The following ZFYVE26 variants were observed in gnomAD, a reference collection of about 807,000 sequenced individuals.
The protein encoded by ZFYVE26 is zinc finger FYVE domain-containing protein 26.
ZFYVE26 carries 181 observed loss-of-function variants against 276.5 expected under a neutral mutation model. The observed-to-expected ratio is 0.65, with a 90% CI of 0.58 to 0.74. The LOEUF is 0.74. Ranked by LOEUF, ZFYVE26 falls within the 30% of genes least tolerant of loss-of-function variation. ZFYVE26 has a pLI of 0.00. For synonymous variants in ZFYVE26, 1,129 were observed against 1,203.1 expected (o/e 0.94, Z 1.27); for missense variants, 2,821 against 3,097.9 (o/e 0.91, Z 2.12).
rs199927580 is a variant in ZFYVE26, at chr14:67,748,527, C to T, written c.7529G>A (p.Ser2510Asn). ...LVQQVQQAAK[S>N]SGDAVVQDIC... The stretch of plus-strand genomic sequence containing the variant: ...GTCTTGCACTACTGCATCCCCGCTG[C>T]TCTTGGCGGCCTGCTGCACCTGCTG... The change falls in exon 42 of 42, where the codon AGC (serine) becomes AAC (asparagine). Residue 2510 changes from serine (S) to asparagine (N), a missense_variant. By Grantham distance (46) the Ser-to-Asn change is conservative. Coordinates refer to ENST00000347230, the MANE Select transcript of ZFYVE26 (RefSeq NM_015346.4). 4.8e-5 allele frequency: 77 copies of T among 1,614,006 alleles called. No individual in the cohort carries two copies. Among genetic ancestry groups the T allele is most frequent in the Non-Finnish European group, 1.3e-5 (15 of 1,180,008 alleles).
intron 23 of ZFYVE26, among the ~76,000 whole-genome samples, chr14:67,779,491 G>C (rs1205024178): frequency 1.3e-5 from 2 of 152,188 alleles, no homozygotes; most frequent in Non-Finnish European, 2.9e-5. Flanking sequence ...GAACCCGGGA[G>C]GCGGAGGTTG....
intron 13 of ZFYVE26, among the ~76,000 whole-genome samples, chr14:67,731,018 A>G (rs1388509813): frequency 6.6e-6 from 1 of 152,178 alleles, no homozygotes; most frequent in East Asian, 1.9e-4. Context: ...TATTGATTGC[A>G]TGCTAAAATG....
intron 38 of ZFYVE26, 66 bp downstream of exon 38, chr14:67,754,005 T>G: frequency 6.2e-7 from 1 of 1,610,784 alleles, no homozygotes; most frequent in Non-Finnish European, 8.5e-7. Context: ...ACTAGACAAC[T>G]GCAATTATGA....
chr14:67,755,358 AC>A, intron 36 of ZFYVE26, 108 bp from the exon 37 acceptor site: 1 of 1,235,920 alleles, frequency 8.1e-7, no homozygotes, highest in Non-Finnish European at 1.2e-6. Context: ...TGTTTCCAGC[AC>A]CCACTCCCAC....
At chr14:67,748,665 G>A (rs200353381) in intron 41 of ZFYVE26, 26 bp from the exon 42 acceptor site, 17 of 1,611,904 alleles carry the variant, frequency 1.1e-5, no homozygotes, top group East Asian at 4.5e-5. Context: ...AAGAGACAGC[G>A]GAAAGGCATC....
rs200966618 is a variant in ZFYVE26 at position 67,805,612 on chromosome 14, C to T, written c.1024G>A (p.Ala342Thr). The part of the protein sequence containing the change: ...KHFLEQILVT[A>T]LTLLKEEDFP... The stretch of plus-strand genomic sequence containing the variant: ...TCTTCTTCTTTCAACAATGTTAGTG[C>T]TGTTACCTGTAAGTCAAAGAAAGCT... Residue 342 changes from alanine to threonine, a missense_variant, in exon 7 of 42, where the codon GCA becomes ACA. Transcript: ENST00000347230. 1.9e-6 allele frequency: 3 copies of T among 1,613,922 alleles called. No individual in the cohort carries two copies. The highest frequency in any genetic ancestry group is 4.5e-5 in the East Asian group (2 of 44,886).
intron 21 of ZFYVE26, among the ~76,000 whole-genome samples, chr14:67,782,399 T>A (rs975578230): frequency 6.6e-6 from 1 of 152,220 alleles, no homozygotes; most frequent in African/African-American, 2.4e-5. Flanking sequence ...AGACTGTGGC[T>A]TACAAAGTCC....
chr14:67,811,573 C>G (rs1006469473), intron 3 of ZFYVE26, among the ~76,000 whole-genome samples: 1 of 151,896 alleles, frequency 6.6e-6, no homozygotes, highest in African/African-American at 2.4e-5. Context: ...TTTACGGTTA[C>G]AAGAGCAAGG....
chr14:67,807,895 C>T lies in ZFYVE26; in HGVS notation c.389G>A (p.Gly130Asp). 1 of 1,614,122 alleles carries T rather than the reference C, an allele frequency of 6.2e-7. No homozygotes were observed. Among genetic ancestry groups the T allele is most frequent in the Non-Finnish European group, 8.5e-7 (1 of 1,180,010 alleles). Residue 130 changes from glycine (G) to aspartate (D), a missense_variant, in exon 5 of 42, where the codon GGT (glycine) becomes GAT (aspartate). Coordinates refer to ENST00000347230, the MANE Select transcript of ZFYVE26 (RefSeq NM_015346.4). ...TCCGTCAGGCACGTGGCCTACTGCA[C>T]CCTGTGTTAAGGTCTCATACAGCTC... ...LEELYETLTQGAVGHVPDGNP... is the reference protein window; with the variant it reads ...LEELYETLTQDAVGHVPDGNP...
chr14:67,743,069 C>T (rs568401193), downstream of ZFYVE26, among the ~76,000 whole-genome samples: 1 of 152,024 alleles, frequency 6.6e-6, no homozygotes, highest in South Asian at 2.1e-4. Flanking sequence ...AACTCCTGGG[C>T]TCAAGTGATC....
intron 35 of ZFYVE26, among the ~76,000 whole-genome samples, chr14:67,758,010 C>T (rs2038833225): frequency 6.6e-6 from 1 of 152,182 alleles, no homozygotes; most frequent in African/African-American, 2.4e-5. Flanking sequence ...CCACCCTGCC[C>T]AGCCTTTTGT....
At chr14:67,755,404 C>T (rs1341883145) in intron 36 of ZFYVE26, among the ~76,000 whole-genome samples, 154 bp from the exon 37 acceptor site, 2 of 152,108 alleles carry the variant, frequency 1.3e-5, no homozygotes, top group African/African-American at 4.8e-5. Flanking sequence ...CCAGTCACCC[C>T]CAAGGTCCAA....
chr14:67,742,803 TCC>T (rs571899830), downstream of ZFYVE26, among the ~76,000 whole-genome samples: 3,774 of 141,456 alleles, frequency 0.027, 237 homozygotes, highest in African/African-American at 0.1. Context: ...CCTTCCTTCT[TCC>T]CTTCCTTCCT....
At chr14:67,737,362 G>A (rs2038364664) in intron 13 of ZFYVE26, among the ~76,000 whole-genome samples, 1 of 152,142 alleles carries the variant, frequency 6.6e-6, no homozygotes, top group Non-Finnish European at 1.5e-5. Context: ...GAGGCCTCAG[G>A]AAACTTACAA....
At position 67,806,655 on chromosome 14, in the gene ZFYVE26, G is replaced by T. The variant is rs146345641; in HGVS notation, c.907C>A (p.Pro303Thr). 23 of 1,614,170 alleles carry T rather than the reference G, an allele frequency of 1.4e-5. No individual in the cohort carries two copies. In the African/African-American group the frequency reaches 2.9e-4, roughly 21 times the overall value. The change falls in exon 6 of 42, where the codon CCT becomes ACT. Residue 303 changes from proline to threonine, a missense_variant. Physicochemically the swap from Pro to Thr is conservative, Grantham distance 38 (BLOSUM62 -1). Transcript: ENST00000347230. ...AACAGGGCTAGCATTGCCCGCTCAG[G>T]ATCTAGATGATCCGGTGAGACTGAA... is the stretch of plus-strand genomic sequence containing the variant. ...SGKVSPDHLD[P>T]ERAMLALFSN...
Position 67,805,205 on chromosome 14 carries a change from A to C in ZFYVE26, c.1271+12T>G. On this transcript the variant is annotated intron_variant, in intron 8 of 41. Coordinates refer to ENST00000347230, the MANE Select transcript of ZFYVE26 (RefSeq NM_015346.4). The stretch of plus-strand genomic sequence containing the variant: ...CCTGTGGTGGGCAGGCGCTGACTGC[A>C]CAGGGCCATACCTGCTCTGCTGTAT... 1 of 1,613,088 alleles carries C rather than the reference A, an allele frequency of 6.2e-7. No individual in the cohort carries two copies.
intron 1 of ZFYVE26, 104 bp downstream of exon 1, chr14:67,816,430 A>C: frequency 6.3e-6 from 1 of 159,348 alleles, no homozygotes. Flanking sequence ...CAGGAGACGA[A>C]TCTGTGTCAT....
At chr14:67,798,901 C>T in intron 10 of ZFYVE26, 2 of 944,678 alleles carry the variant, frequency 2.1e-6, no homozygotes, top group Non-Finnish European at 3.2e-6. Flanking sequence ...AGGCCCCGCC[C>T]CCGGGGAGGG....
At chr14:67,754,955 G>A (rs542486260) in intron 37 of ZFYVE26, 96 bp downstream of exon 37, 1 of 1,394,448 alleles carries the variant, frequency 7.2e-7, no homozygotes, top group South Asian at 1.2e-5. Flanking sequence ...TTTTTTTTCA[G>A]GATTCAAGGA....
Sources: gnomAD v4.1 joint callset for allele counts (sites outside exome capture counted in the v4.1 genomes callset) on GRCh38, gnomAD v4.1.1 for gene constraint, MANE v1.5 for transcripts, NCBI Gene and HGNC (gene_info 2026-07-23, HGNC 2026-07-21) for gene names.